The following COG5 variants were observed in gnomAD, a reference collection of about 807,000 sequenced individuals.
The protein encoded by COG5 is conserved oligomeric Golgi complex subunit 5.
Under a neutral mutation model 110.4 loss-of-function variants are expected in COG5, and 86 were observed. The ratio of observed to expected loss-of-function variants is 0.78; its 90% CI spans 0.65 to 0.93. The LOEUF (loss-of-function observed/expected upper bound fraction) is 0.93. Among genes scored for constraint, COG5 ranks in the 40% least tolerant of loss-of-function variants. The pLI, the probability that COG5 is intolerant of heterozygous loss-of-function variation, is 0.00. For missense variants in COG5, 1,077 were observed against 987.0 expected (o/e 1.09, Z -1.22); for synonymous variants, 360 against 334.6 (o/e 1.08, Z -0.83).
At chr7:107,307,024 T>C (rs554971738) in intron 11 of COG5, among the ~76,000 whole-genome samples, 3 of 152,292 alleles carry the variant, frequency 2.0e-5, no homozygotes, top group African/African-American at 7.2e-5. Context: ...TCTCTCATGA[T>C]ATAAAAAAGT....
chr7:107,282,427 G>T (rs1805243235), intron 13 of COG5, among the ~76,000 whole-genome samples: 2 of 152,194 alleles, frequency 1.3e-5, no homozygotes, highest in Non-Finnish European at 2.9e-5. Flanking sequence ...AGGCAATTGT[G>T]GAGAGATTTA....
chr7:107,234,247 T>C (rs1195588456), intron 18 of COG5, among the ~76,000 whole-genome samples: 1 of 152,222 alleles, frequency 6.6e-6, no homozygotes, highest in Non-Finnish European at 1.5e-5. Context: ...ATGCTTCTTC[T>C]ATGTTTAAAA....
intron 12 of COG5, among the ~76,000 whole-genome samples, chr7:107,295,018 T>C (rs112601262): frequency 9.6e-5 from 8 of 83,420 alleles, no homozygotes; most frequent in African/African-American, 1.9e-4. Flanking sequence ...TATACACACA[T>C]ATATATATAC....
At chr7:107,450,866 T>C (rs1795290400) in intron 6 of COG5, among the ~76,000 whole-genome samples, 1 of 152,152 alleles carries the variant, frequency 6.6e-6, no homozygotes, top group African/African-American at 2.4e-5. Flanking sequence ...GTTATTTTGA[T>C]ATCAGACAAC....
chr7:107,245,554 T>A (rs553680791), intron 17 of COG5, among the ~76,000 whole-genome samples: 2 of 152,202 alleles, frequency 1.3e-5, no homozygotes, highest in African/African-American at 4.8e-5. Flanking sequence ...ATCACTAGCA[T>A]TCCTATACAT....
At chr7:107,238,166 T>C (rs1056942306) in intron 17 of COG5, among the ~76,000 whole-genome samples, 1 of 152,138 alleles carries the variant, frequency 6.6e-6, no homozygotes, top group Non-Finnish European at 1.5e-5. Context: ...CTCCACCCCA[T>C]AGCTGCTAAC....
chr7:107,507,257 A>G (rs115710490), intron 6 of COG5, among the ~76,000 whole-genome samples: 1,779 of 151,428 alleles, frequency 0.012, 30 homozygotes, highest in African/African-American at 0.041. Context: ...CTATCAATGA[A>G]CAATTTTAAT....
chr7:107,248,521 A>T, intron 16 of COG5, 22 bp from the exon 17 acceptor site: 1 of 1,509,902 alleles, frequency 6.6e-7, no homozygotes, highest in Non-Finnish European at 9.1e-7. Flanking sequence ...AAAGAAAGAA[A>T]AAAAAGAAGA....
intron 19 of COG5, among the ~76,000 whole-genome samples, chr7:107,228,776 TA>T (rs555581676): frequency 3.4e-3 from 489 of 142,236 alleles, no homozygotes; most frequent in Admixed American, 3.4e-3. Flanking sequence ...GTGTTGCCAT[TA>T]AAAAAAAAAA....
At chr7:107,420,862 T>C (rs1793238378) in intron 6 of COG5, among the ~76,000 whole-genome samples, 1 of 152,244 alleles carries the variant, frequency 6.6e-6, no homozygotes, top group Admixed American at 6.5e-5. Context: ...TGAATCTTTA[T>C]ATTTCAAGTC....
intron 21 of COG5, among the ~76,000 whole-genome samples, chr7:107,206,212 G>A (rs1798775339): frequency 6.6e-6 from 1 of 151,996 alleles, no homozygotes; most frequent in South Asian, 2.1e-4. Flanking sequence ...CCGCCCACCT[G>A]GGCTTCCCAA....
intron 10 of COG5, among the ~76,000 whole-genome samples, chr7:107,359,253 A>G (rs756521235): frequency 3.3e-5 from 5 of 152,216 alleles, no homozygotes; most frequent in Non-Finnish European, 5.9e-5. Context: ...TTGATTTCAC[A>G]GCACAACTGA....
At chr7:107,553,675 G>A (rs955996955) in intron 3 of COG5, among the ~76,000 whole-genome samples, 10 of 151,938 alleles carry the variant, frequency 6.6e-5, no homozygotes, top group Admixed American at 4.6e-4. Context: ...AAAAGATTTA[G>A]TCAAACAAAA....
rs559478380 is a variant in COG5, at chr7:107,208,609, C to T, written c.2375+1917G>A. 15 of 985,462 alleles carry T rather than the reference C, an allele frequency of 1.5e-5. No homozygotes were observed. In the South Asian group the frequency reaches 5.2e-4, roughly 34 times the overall value. 61.0% of individuals were successfully genotyped at this position (985,462 alleles called of 1,614,324 possible). A position where few individuals can be genotyped will look rare whatever the true frequency, so the allele number is the denominator to read the frequency against. On this transcript the variant is annotated intron_variant, in intron 21 of 21. Transcript: ENST00000297135. ...TGTTAGCCCAGGCCCAAACTCCTCA[C>T]CCAAATCCAAAGCCTTTCCCGAGGG...
chr7:107,529,334 C>T (rs1243495526), intron 5 of COG5, among the ~76,000 whole-genome samples: 1 of 152,162 alleles, frequency 6.6e-6, no homozygotes, highest in Non-Finnish European at 1.5e-5. Flanking sequence ...ATCACATTGC[C>T]TCTCTAAAAC....
chr7:107,546,105 AAAC>A (rs894839807), intron 5 of COG5, among the ~76,000 whole-genome samples: 1 of 152,192 alleles, frequency 6.6e-6, no homozygotes, highest in African/African-American at 2.4e-5. Flanking sequence ...CAAAAAAAAT[AAAC>A]AACATGCTTA....
intron 6 of COG5, among the ~76,000 whole-genome samples, chr7:107,511,657 G>C (rs1799524002): frequency 6.6e-6 from 1 of 152,144 alleles, no homozygotes; most frequent in African/African-American, 2.4e-5. Context: ...TACAATACTG[G>C]CAAACCGAAT....
chr7:107,541,523 A>ATATATATAT (rs923191098), intron 5 of COG5, among the ~76,000 whole-genome samples: 1 of 57,020 alleles, frequency 1.8e-5, no homozygotes, highest in Non-Finnish European at 3.3e-5. Context: ...AAAAAAAAAA[A>ATATATATAT]ATATATATAT....
At chr7:107,248,738 A>C (rs1227903447) in intron 16 of COG5, among the ~76,000 whole-genome samples, 1 of 152,122 alleles carries the variant, frequency 6.6e-6, no homozygotes, top group Non-Finnish European at 1.5e-5. Flanking sequence ...ATTTTTTCCA[A>C]AAGGTTCAGT....
Sources: gnomAD v4.1 joint callset for allele counts (sites outside exome capture counted in the v4.1 genomes callset) on GRCh38, gnomAD v4.1.1 for gene constraint, MANE v1.5 for transcripts, NCBI Gene and HGNC (gene_info 2026-07-23, HGNC 2026-07-21) for gene names.